ASTN2: variants seen among roughly 807,000 people sequenced by gnomAD.
The protein encoded by ASTN2 is astrotactin-2.
A neutral mutation model predicts 139.8 loss-of-function variants in ASTN2; 54 were observed. The ratio of observed to expected loss-of-function variants is 0.39; its 90% CI spans 0.31 to 0.48. The LOEUF (loss-of-function observed/expected upper bound fraction) is 0.48, where lower values mean the gene tolerates loss of function less well. ASTN2 is among the 20% of genes least tolerant of loss of function. ASTN2 has a pLI of 0.95. For missense variants in ASTN2, 1,565 were observed against 1,725.1 expected (o/e 0.91, Z 1.64); for synonymous variants, 756 against 719.5 (o/e 1.05, Z -0.81).
chr9:116,632,152 GAGAGAC>G (rs1271310718), intron 17 of ASTN2, among the ~76,000 whole-genome samples: 287 of 68,056 alleles, frequency 4.2e-3, no homozygotes, highest in Non-Finnish European at 5.8e-3. Flanking sequence ...GAGAGAGAGA[GAGAGAC>G]AGAGAGAGAG....
intron 19 of ASTN2, among the ~76,000 whole-genome samples, chr9:116,539,760 A>G (rs1352005598): frequency 1.3e-5 from 2 of 152,246 alleles, no homozygotes; most frequent in Non-Finnish European, 2.9e-5. Context: ...CACACTGCTC[A>G]GAATGGCGTG....
chr9:117,367,063 G>A (rs759488844), intron 1 of ASTN2, among the ~76,000 whole-genome samples: 6 of 152,088 alleles, frequency 3.9e-5, no homozygotes, highest in South Asian at 2.1e-4. Context: ...GTGAGCCACC[G>A]TACCTGGCCA....
intron 20 of ASTN2, among the ~76,000 whole-genome samples, chr9:116,464,115 A>C (rs1187834321): frequency 6.6e-6 from 1 of 152,040 alleles, no homozygotes; most frequent in East Asian, 1.9e-4. Context: ...TTGAATAAGT[A>C]AACAAATTAA....
intron 13 of ASTN2, among the ~76,000 whole-genome samples, chr9:116,775,378 A>C (rs988347477): frequency 2.2e-4 from 33 of 151,198 alleles, no homozygotes; most frequent in African/African-American, 6.6e-4. Flanking sequence ...TTTCTCACAC[A>C]GTGACTTTAT....
chr9:117,054,249 G>A (rs1376815246), intron 5 of ASTN2, among the ~76,000 whole-genome samples: 3 of 152,166 alleles, frequency 2.0e-5, no homozygotes, highest in Non-Finnish European at 2.9e-5. Flanking sequence ...TCAAGGAAGT[G>A]CCTGAAGGCT....
chr9:116,430,517 CTAAG>C (rs751633397), intron 22 of ASTN2, among the ~76,000 whole-genome samples: 6 of 152,120 alleles, frequency 3.9e-5, no homozygotes, highest in East Asian at 3.9e-4. Flanking sequence ...TTGCTTAGCT[CTAAG>C]TAAGTGTCAG....
chr9:116,999,031 C>T (rs916950482), intron 7 of ASTN2, among the ~76,000 whole-genome samples: 1 of 152,186 alleles, frequency 6.6e-6, no homozygotes, highest in Non-Finnish European at 1.5e-5. Context: ...AGTGTATTCT[C>T]ATTTCATATC....
chr9:116,757,275 A>C (rs1829557798), intron 13 of ASTN2, among the ~76,000 whole-genome samples: 1 of 152,150 alleles, frequency 6.6e-6, no homozygotes. Flanking sequence ...TCTGTCAGCA[A>C]TCCAGACCAT....
chr9:117,119,394 C>T (rs920585639), intron 4 of ASTN2, among the ~76,000 whole-genome samples: 1 of 152,114 alleles, frequency 6.6e-6, no homozygotes, highest in African/African-American at 2.4e-5. Context: ...GTGGGAATGC[C>T]CAAGCTTCCT....
chr9:117,407,118 C>T (rs890632416), intron 1 of ASTN2, among the ~76,000 whole-genome samples: 3 of 152,264 alleles, frequency 2.0e-5, no homozygotes, highest in East Asian at 3.9e-4. Context: ...AATAAGTTGA[C>T]ACCTGAATTC....
At chr9:116,739,011 TACACACACACACACAC>T (rs35705356) in intron 13 of ASTN2, among the ~76,000 whole-genome samples, 6 of 150,398 alleles carry the variant, frequency 4.0e-5, no homozygotes, top group African/African-American at 1.2e-4. Context: ...AACATTCACT[TACACACACACACACAC>T]ACACACAAAC....
At position 116,964,222 on chromosome 9, in the gene ASTN2, T is replaced by TGC. The variant is rs1835945475; in HGVS notation, c.1889+10985_1889+10986insGC. On this transcript the variant is annotated intron_variant, in intron 10 of 22. Coordinates refer to ENST00000313400, the MANE Select transcript of ASTN2 (RefSeq NM_001365068.1). Reference sequence around the variant, plus strand: ...TCTGACTAGACTGCCCTGGGGTGTGTGTGTGTGTGTGTGTGTGTGTGTGTG... The same window carrying TGC: ...TCTGACTAGACTGCCCTGGGGTGTGTGCGTGTGTGTGTGTGTGTGTGTGTGTG... Among the ~76,000 whole-genome samples, 5 of 109,858 alleles carry TGC rather than the reference T, an allele frequency of 4.6e-5. No individual in the cohort carries two copies. The South Asian group carries it at 1.4e-3, about 32-fold the overall frequency. 72.1% of individuals were successfully genotyped at this position (109,858 alleles called of 152,430 possible). A position where few individuals can be genotyped will look rare whatever the true frequency, so the allele number is the denominator to read the frequency against.
intron 1 of ASTN2, among the ~76,000 whole-genome samples, chr9:117,297,675 G>T (rs1834770092): frequency 6.6e-6 from 1 of 152,218 alleles, no homozygotes; most frequent in South Asian, 2.1e-4. Flanking sequence ...GCCTGAAGGG[G>T]CAAGGGATGG....
rs564306385 is a variant in ASTN2 at position 116,845,601 on chromosome 9, TACAA to T, written c.2040+17978_2040+17981del. ...AATAGACATTTCTCTAAAAATGATA[TACAA>T]ACAGCCAATTGGCACATGAAAAGAT... On this transcript the variant is annotated intron_variant, in intron 11 of 22. Coordinates refer to ENST00000313400, the MANE Select transcript of ASTN2 (RefSeq NM_001365068.1). Among the ~76,000 whole-genome samples, 923 of 152,304 alleles carry T rather than the reference TACAA, an allele frequency of 6.1e-3. 8 individuals are homozygous for T. Among genetic ancestry groups the T allele is most frequent in the African/African-American group, 0.021 (868 of 41,572 alleles).
rs34900374 is a variant in ASTN2, at chr9:117,099,107, C to CAAAA, written c.1169-2960_1169-2957dup. 5.2e-3 allele frequency among the ~76,000 whole-genome samples: 602 copies of CAAAA among 116,844 alleles called. 5 individuals carry two copies. Among genetic ancestry groups the CAAAA allele is most frequent in the African/African-American group, 0.016 (498 of 31,422 alleles). The allele number at this position is 116,844 out of a possible 152,430, so 76.7% of individuals were successfully genotyped here. On this transcript the variant is annotated intron_variant, in intron 4 of 22. Transcript: ENST00000313400. ...GGGTGACAGAGCGAGACTCCGTCTC[C>CAAAA]AAAAAAAAAAAAAAAAGGAGGGAGG...
At chr9:117,209,008 C>G (rs1588083148) in intron 3 of ASTN2, among the ~76,000 whole-genome samples, 1 of 152,116 alleles carries the variant, frequency 6.6e-6, no homozygotes, top group Non-Finnish European at 1.5e-5. Flanking sequence ...AAGATAACAA[C>G]TATGATCATG....
At chr9:116,562,355 A>T (rs1427483941) in intron 19 of ASTN2, 1 of 150,980 alleles carries the variant, frequency 6.6e-6, no homozygotes, top group African/African-American at 2.5e-5. Flanking sequence ...TACGGCTCAT[A>T]TATTAGCATT....
intron 17 of ASTN2, among the ~76,000 whole-genome samples, chr9:116,631,046 C>A (rs917223642): frequency 6.6e-6 from 1 of 152,016 alleles, no homozygotes; most frequent in African/African-American, 2.4e-5. Context: ...ACAAAAAAGA[C>A]AAAAAATAAC....
intron 16 of ASTN2, among the ~76,000 whole-genome samples, chr9:116,670,295 T>C (rs559056975): frequency 1.2e-3 from 184 of 152,298 alleles, no homozygotes; most frequent in African/African-American, 4.2e-3. Context: ...GTAATCACCA[T>C]GATGATGATA....
Sources: allele counts gnomAD v4.1 joint callset (sites outside exome capture counted in the v4.1 genomes callset), GRCh38; gene constraint gnomAD v4.1.1; transcripts MANE v1.5; gene names NCBI Gene and HGNC (gene_info 2026-07-23, HGNC 2026-07-21).